RASGRF2: variants seen among roughly 807,000 people sequenced by gnomAD.
The protein encoded by RASGRF2 is ras-specific guanine nucleotide-releasing factor 2.
In RASGRF2, 76 loss-of-function variants were observed where a neutral mutation model predicts 151.0. The observed-to-expected ratio is 0.50, with a 90% CI of 0.42 to 0.61. The LOEUF (loss-of-function observed/expected upper bound fraction) is 0.61. Among genes scored for constraint, RASGRF2 ranks in the 20% least tolerant of loss-of-function variants. The pLI, the probability that RASGRF2 is intolerant of heterozygous loss-of-function variation, is 0.00. For missense variants in RASGRF2, 1,148 were observed against 1,564.6 expected, an observed-to-expected ratio of 0.73 and a Z score of 4.49; for synonymous variants, 504 against 566.5, an observed-to-expected ratio of 0.89 and a Z score of 1.57.
At chr5:81,101,990 G>A (rs1312784075) in intron 12 of RASGRF2, among the ~76,000 whole-genome samples, 1 of 152,142 alleles carries the variant, frequency 6.6e-6, no homozygotes, top group African/African-American at 2.4e-5. Context: ...GGAGGACTGA[G>A]CTGATTTAGG....
chr5:81,217,503 C>T, intron 25 of RASGRF2, 30 bp downstream of exon 25: 1 of 1,475,668 alleles, frequency 6.8e-7, no homozygotes, highest in African/African-American at 1.4e-5. Flanking sequence ...TAGCCTGTTT[C>T]AATGGCTTTA....
intron 1 of RASGRF2, among the ~76,000 whole-genome samples, chr5:81,029,091 A>C (rs1374699329): frequency 6.6e-6 from 1 of 152,192 alleles, no homozygotes; most frequent in Non-Finnish European, 1.5e-5. Flanking sequence ...GGCAGCAGTG[A>C]GGCTGGGGTA....
chr5:81,087,550 T>C, intron 9 of RASGRF2: 1 of 583,328 alleles, frequency 1.7e-6, no homozygotes, highest in Non-Finnish European at 3.1e-6. Flanking sequence ...CTCGATAAAT[T>C]AAGCTTTTGA....
intron 18 of RASGRF2, among the ~76,000 whole-genome samples, chr5:81,198,244 GT>G (rs1196654348): frequency 2.6e-5 from 4 of 152,058 alleles, no homozygotes; most frequent in Non-Finnish European, 1.5e-5. Context: ...ACAACAGGAA[GT>G]TTTCCAGCCC....
chr5:81,207,337 G>A lies in RASGRF2; in HGVS notation c.3059G>A (p.Ser1020Asn), dbSNP rs1490846045. Reference sequence around the variant, plus strand: ...CTCCTGGACCATGTCATTTTCAGAAGCATTCCCTACGAGTGAGTGCCACCC... The same window carrying A: ...CTCCTGGACCATGTCATTTTCAGAAACATTCCCTACGAGTGAGTGCCACCC... ...ITLLDHVIFR[S>N]IPYEEFLGQG... The change falls in exon 21 of 27, where the codon AGC becomes AAC. Residue 1020 changes from serine (S) to asparagine (N), a missense_variant. Ser to Asn is a conservative substitution (Grantham distance 46). Transcript: ENST00000265080. 6.2e-7 allele frequency: 1 copy of A among 1,613,982 alleles called. No individual in the cohort carries two copies. Among genetic ancestry groups the A allele is most frequent in the South Asian group, 1.1e-5 (1 of 91,070 alleles).
intron 1 of RASGRF2, among the ~76,000 whole-genome samples, chr5:81,004,672 G>A (rs499090): frequency 0.82 from 125,100 of 152,204 alleles, 51,885 homozygotes; most frequent in Middle Eastern, 0.92. Context: ...GTTCCTTGAG[G>A]TGGTATACAC....
At chr5:81,086,771 T>C in intron 8 of RASGRF2, 64 bp from the exon 9 acceptor site, 1 of 1,350,842 alleles carries the variant, frequency 7.4e-7, no homozygotes, top group Non-Finnish European at 1.1e-6. Flanking sequence ...GAGCTCTTCT[T>C]TGCCTACATG....
At chr5:81,206,981 C>G in intron 20 of RASGRF2, 76 bp downstream of exon 20, 2 of 1,237,660 alleles carry the variant, frequency 1.6e-6, no homozygotes, top group South Asian at 2.4e-5. Flanking sequence ...TGCTTGTAAC[C>G]GATCAAGGAG....
intron 1 of RASGRF2, among the ~76,000 whole-genome samples, chr5:81,013,594 G>GTT (rs745974633): frequency 1.2e-4 from 17 of 147,050 alleles, no homozygotes; most frequent in Admixed American, 3.4e-4. Flanking sequence ...AAATATATTT[G>GTT]TTATATATAT....
chr5:81,035,296 G>A (rs968665132), intron 1 of RASGRF2, among the ~76,000 whole-genome samples: 7 of 152,280 alleles, frequency 4.6e-5, no homozygotes, highest in Admixed American at 4.6e-4. Context: ...AAAAGGATGA[G>A]TTCATGTCCT....
intron 1 of RASGRF2, among the ~76,000 whole-genome samples, chr5:81,030,213 T>C (rs924592135): frequency 1.3e-5 from 2 of 152,196 alleles, no homozygotes; most frequent in African/African-American, 4.8e-5. Flanking sequence ...GGAACCAAGT[T>C]GGAAAACACT....
chr5:81,109,564 G>A (rs527484379), intron 13 of RASGRF2, among the ~76,000 whole-genome samples: 43 of 152,294 alleles, frequency 2.8e-4, no homozygotes, highest in Non-Finnish European at 4.6e-4. Flanking sequence ...TACTCGGGAG[G>A]CTGAGGCAGG....
At chr5:80,977,331 A>G (rs906490972) in intron 1 of RASGRF2, among the ~76,000 whole-genome samples, 13 of 152,208 alleles carry the variant, frequency 8.5e-5, no homozygotes, top group Non-Finnish European at 1.8e-4. Context: ...AAGCTTACTC[A>G]TGTCTTCATC....
At chr5:81,159,456 C>CA (rs1370019163) in intron 17 of RASGRF2, among the ~76,000 whole-genome samples, 2 of 152,282 alleles carry the variant, frequency 1.3e-5, no homozygotes, top group South Asian at 4.2e-4. Flanking sequence ...AATCTGGATG[C>CA]AAAAGACCAC....
intron 1 of RASGRF2, among the ~76,000 whole-genome samples, chr5:81,017,047 C>T (rs1233701536): frequency 7.2e-5 from 11 of 152,162 alleles, no homozygotes; most frequent in Admixed American, 6.5e-5. Flanking sequence ...ACATCCCTTT[C>T]TTCTTTTCCT....
chr5:80,993,266 T>A (rs758045656), intron 1 of RASGRF2, among the ~76,000 whole-genome samples: 12 of 152,222 alleles, frequency 7.9e-5, no homozygotes, highest in Non-Finnish European at 1.6e-4. Context: ...CATTCTTCCG[T>A]GAATATTATT....
rs1033253085 is a variant in RASGRF2 at position 80,960,427 on chromosome 5, C to G, written c.-312C>G. ...TCGGCTCCCGCAACTTTGGGCGAAG[C>G]GGCGGCCGGCTCGGGCGCCCTCGCG... On this transcript the variant is annotated 5_prime_UTR_variant, in exon 1 of 27. Transcript: ENST00000265080. This position sits in a 1 kb window ranked among gnomAD's most constrained non-coding sequence, Gnocchi z 5.5. Among the ~76,000 whole-genome samples, 7 of 150,752 alleles carry G rather than the reference C, an allele frequency of 4.6e-5. No homozygotes were observed. The highest frequency in any genetic ancestry group is 1.7e-4 in the African/African-American group (7 of 41,300).
intron 17 of RASGRF2, among the ~76,000 whole-genome samples, chr5:81,159,214 C>T (rs1432730520): frequency 2.6e-5 from 4 of 152,094 alleles, no homozygotes; most frequent in Non-Finnish European, 4.4e-5. Flanking sequence ...ATGGATGAAA[C>T]GCAAAAATAT....
At position 81,099,671 on chromosome 5, in the gene RASGRF2, CA is replaced by C. The variant is rs1305569681; in HGVS notation, c.1755+4680del. On this transcript the variant is annotated intron_variant, in intron 12 of 26. Transcript: ENST00000265080. ...AATGTTAAATTTGTCACATTTATCA[CA>C]TTTTTCTATTTCATGGAAAAGTGTT... Among the ~76,000 whole-genome samples, 4 of 152,282 alleles carry C rather than the reference CA, an allele frequency of 2.6e-5. No individual in the cohort carries two copies. The East Asian group carries it at 7.7e-4, about 29-fold the overall frequency.
Sources: gnomAD v4.1 joint callset for allele counts (sites outside exome capture counted in the v4.1 genomes callset) on GRCh38, gnomAD v4.1.1 for gene constraint, Gnocchi (gnomAD v3.1) non-coding constraint, MANE v1.5 for transcripts, NCBI Gene and HGNC (gene_info 2026-07-23, HGNC 2026-07-21) for gene names.